The following MDGA2 variants were observed in gnomAD, a reference collection of about 807,000 sequenced individuals.
MDGA2 encodes the protein MAM domain containing glycosylphosphatidylinositol anchor 2, also known as MAM domain-containing glycosylphosphatidylinositol anchor protein 2.
In MDGA2, 40 loss-of-function variants were observed where a neutral mutation model predicts 117.8. That is an observed-to-expected ratio of 0.34 (90% confidence interval 0.26 to 0.44). MDGA2 has a LOEUF of 0.44. Among genes scored for constraint, MDGA2 ranks in the 20% least tolerant of loss-of-function variants. The pLI, the probability that MDGA2 is intolerant of heterozygous loss-of-function variation, is 1.00. For synonymous variants in MDGA2, 452 were observed against 439.0 expected, an observed-to-expected ratio of 1.03 and a Z score of -0.37; for missense variants, 1,123 against 1,250.6, an observed-to-expected ratio of 0.90 and a Z score of 1.54.
chr14:47,026,613 C>T (rs1314422711), intron 8 of MDGA2, among the ~76,000 whole-genome samples: 4 of 151,772 alleles, frequency 2.6e-5, no homozygotes, highest in Non-Finnish European at 5.9e-5. Context: ...ATTATTATTA[C>T]CTTTGTGTTA....
At chr14:47,042,028 A>G (rs1889088936) in intron 7 of MDGA2, among the ~76,000 whole-genome samples, 1 of 152,090 alleles carries the variant, frequency 6.6e-6, no homozygotes. Context: ...AATCAGACTC[A>G]TATTTCCAAG....
intron 9 of MDGA2, among the ~76,000 whole-genome samples, chr14:46,951,676 A>C (rs1041309477): frequency 3.1e-4 from 47 of 151,358 alleles, no homozygotes; most frequent in African/African-American, 1.1e-3. Context: ...CAAAGAAATT[A>C]ATTCTTCACA....
At chr14:47,323,730 G>GTCA (rs1176273610) in intron 1 of MDGA2, among the ~76,000 whole-genome samples, 5 of 152,106 alleles carry the variant, frequency 3.3e-5, no homozygotes, top group Non-Finnish European at 7.3e-5. Flanking sequence ...CTGGAATGAC[G>GTCA]TCTTCAGTTA....
At chr14:47,039,562 A>C (rs768049834) in intron 7 of MDGA2, among the ~76,000 whole-genome samples, 1 of 152,150 alleles carries the variant, frequency 6.6e-6, no homozygotes, top group Non-Finnish European at 1.5e-5. Context: ...TTATCATCAT[A>C]AACAGTTTTG....
chr14:47,538,997 C>T (rs1217606792), intron 1 of MDGA2, among the ~76,000 whole-genome samples: 3 of 152,196 alleles, frequency 2.0e-5, no homozygotes, highest in East Asian at 3.9e-4. Context: ...GGCTGCAGCC[C>T]GGTAGATAGT....
chr14:47,163,924 G>A (rs1883751413), intron 3 of MDGA2, among the ~76,000 whole-genome samples: 1 of 152,212 alleles, frequency 6.6e-6, no homozygotes, highest in Admixed American at 6.5e-5. Context: ...CACCCTGGCT[G>A]CAAAAGAGGC....
intron 3 of MDGA2, among the ~76,000 whole-genome samples, chr14:47,173,065 T>C (rs1044599914): frequency 1.3e-5 from 2 of 151,724 alleles, no homozygotes; most frequent in Non-Finnish European, 2.9e-5. Flanking sequence ...GAAGATGAAA[T>C]GAATGAAATG....
chr14:47,434,775 A>G (rs1383078110), intron 1 of MDGA2, among the ~76,000 whole-genome samples: 1 of 152,110 alleles, frequency 6.6e-6, no homozygotes, highest in Admixed American at 6.6e-5. Context: ...TGTGGTGTGC[A>G]TAAATTTTGA....
intron 3 of MDGA2, among the ~76,000 whole-genome samples, chr14:47,158,362 G>GT (rs1491277469): frequency 0.2 from 24,095 of 118,884 alleles, 2,042 homozygotes; most frequent in East Asian, 0.29. Flanking sequence ...TCCCTGGGGT[G>GT]GGTGTGTGTG....
intron 2 of MDGA2, among the ~76,000 whole-genome samples, chr14:47,286,760 A>C (rs1422681470): frequency 1.4e-5 from 2 of 146,666 alleles, no homozygotes; most frequent in Admixed American, 1.4e-4. Context: ...TGAAAAGTAT[A>C]GTGGAACAAC....
chr14:47,131,736 C>G lies in MDGA2; in HGVS notation c.903G>C (p.Ser301=). 6.3e-7 allele frequency: 1 copy of G among 1,576,212 alleles called. No individual in the cohort carries two copies. Among genetic ancestry groups the G allele is most frequent in the East Asian group, 2.3e-5 (1 of 44,396 alleles). ...TACCTGTTTTATTGGACAGTCTAAACGACACCATCTTATCAGGAATATTAC... is the reference window on the plus strand; with the variant it reads ...TACCTGTTTTATTGGACAGTCTAAAGGACACCATCTTATCAGGAATATTAC... ...NVCNIPDKMV[S]FRLSNKTASP... The change falls in exon 5 of 17, where the codon TCG becomes TCC. Residue 301 remains serine, a synonymous_variant. Coordinates refer to ENST00000399232, the MANE Select transcript of MDGA2 (RefSeq NM_001113498.3).
intron 2 of MDGA2, among the ~76,000 whole-genome samples, chr14:47,237,408 A>G (rs1168508144): frequency 3.3e-5 from 5 of 152,174 alleles, no homozygotes; most frequent in Non-Finnish European, 7.4e-5. Flanking sequence ...GAGACAATGC[A>G]GTAGAAATGA....
At chr14:47,360,957 T>C (rs1248425497) in intron 1 of MDGA2, among the ~76,000 whole-genome samples, 1 of 152,010 alleles carries the variant, frequency 6.6e-6, no homozygotes, top group East Asian at 1.9e-4. Context: ...AAGATGTAGG[T>C]CAAAGGGTGC....
At chr14:47,085,776 T>C (rs535679076) in intron 6 of MDGA2, among the ~76,000 whole-genome samples, 6 of 152,084 alleles carry the variant, frequency 3.9e-5, no homozygotes, top group Non-Finnish European at 8.8e-5. Flanking sequence ...AAAACTAAGA[T>C]GTAAAAATGT....
At chr14:46,945,046 T>A (rs1394442710) in intron 9 of MDGA2, among the ~76,000 whole-genome samples, 1 of 152,120 alleles carries the variant, frequency 6.6e-6, no homozygotes, top group Non-Finnish European at 1.5e-5. Context: ...ATGAACATTA[T>A]GAAGAATATA....
At chr14:47,570,256 T>G (rs984338347) in intron 1 of MDGA2, among the ~76,000 whole-genome samples, 1 of 152,146 alleles carries the variant, frequency 6.6e-6, no homozygotes, top group Non-Finnish European at 1.5e-5. Flanking sequence ...GTATCCTCAA[T>G]ATATTATATT....
intron 1 of MDGA2, among the ~76,000 whole-genome samples, chr14:47,417,602 T>C (rs1348286838): frequency 6.6e-6 from 1 of 152,212 alleles, no homozygotes; most frequent in South Asian, 2.1e-4. Context: ...GTAGGCTTTT[T>C]CTAGCATGCA....
chr14:47,072,264 A>G (rs1890319623), intron 6 of MDGA2, among the ~76,000 whole-genome samples: 1 of 152,190 alleles, frequency 6.6e-6, no homozygotes, highest in South Asian at 2.1e-4. Context: ...ACATGTGGAT[A>G]GAGACATTAT....
At chr14:46,937,191 A>AC (rs1295940762) in intron 9 of MDGA2, among the ~76,000 whole-genome samples, 1 of 152,022 alleles carries the variant, frequency 6.6e-6, no homozygotes, top group Non-Finnish European at 1.5e-5. Context: ...TGCCATTTAC[A>AC]ACAGGCACAC....
Sources: allele counts gnomAD v4.1 joint callset (sites outside exome capture counted in the v4.1 genomes callset), GRCh38; gene constraint gnomAD v4.1.1; transcripts MANE v1.5; gene names NCBI Gene and HGNC (gene_info 2026-07-23, HGNC 2026-07-21).